The following SOX5 variants were observed in gnomAD, a reference collection of about 807,000 sequenced individuals.
SOX5 encodes SRY-box transcription factor 5.
In SOX5, 9 loss-of-function variants were observed where a neutral mutation model predicts 92.0. The ratio of observed to expected loss-of-function variants is 0.10; its 90% confidence interval spans 0.06 to 0.17. The LOEUF is 0.17. Ranked by LOEUF, SOX5 falls within the 10% of genes least tolerant of loss-of-function variation. SOX5 has a pLI of 1.00. For missense variants in SOX5, 642 were observed against 944.5 expected (o/e 0.68, Z 4.20); for synonymous variants, 344 against 336.3 (o/e 1.02, Z -0.25).
At chr12:23,866,051 T>C (rs1387536436) in intron 2 of SOX5, among the ~76,000 whole-genome samples, 1 of 152,200 alleles carries the variant, frequency 6.6e-6, no homozygotes, top group Non-Finnish European at 1.5e-5. Flanking sequence ...GCAAAGAAAG[T>C]GGTTTCTTGA....
chr12:23,933,006 C>G (rs1171803229), intron 1 of SOX5, among the ~76,000 whole-genome samples: 2 of 151,620 alleles, frequency 1.3e-5, no homozygotes, highest in East Asian at 1.9e-4. Flanking sequence ...CCTATAGTAG[C>G]CATCTCCACT....
chr12:23,636,671 C>T (rs956003751), intron 8 of SOX5, among the ~76,000 whole-genome samples: 2 of 151,960 alleles, frequency 1.3e-5, no homozygotes, highest in Non-Finnish European at 2.9e-5. Context: ...ATTCAGAGTC[C>T]GAAGTAGACA....
intron 3 of SOX5, among the ~76,000 whole-genome samples, chr12:24,221,776 T>C (rs2139804089): frequency 6.6e-6 from 1 of 152,328 alleles, no homozygotes; most frequent in Admixed American, 6.5e-5. Flanking sequence ...TAGACAAGAA[T>C]CTGAGAGCAG....
chr12:23,708,648 A>G (rs1410796720), intron 6 of SOX5, among the ~76,000 whole-genome samples: 3 of 152,222 alleles, frequency 2.0e-5, no homozygotes, highest in Non-Finnish European at 4.4e-5. Context: ...TGTTGCAGAG[A>G]TGAGTGATAA....
intron 3 of SOX5, among the ~76,000 whole-genome samples, chr12:24,225,485 T>A (rs1354593995): frequency 6.6e-6 from 1 of 152,122 alleles, no homozygotes; most frequent in East Asian, 1.9e-4. Flanking sequence ...AGAGGTTTTT[T>A]TTTTTTTTCC....
intron 3 of SOX5, among the ~76,000 whole-genome samples, chr12:23,823,810 T>C (rs2142831774): frequency 6.6e-6 from 1 of 152,342 alleles, no homozygotes; most frequent in East Asian, 1.9e-4. Context: ...GCTATGTTCA[T>C]TCCATTTCAT....
At chr12:24,235,759 G>T (rs1433126119) in intron 3 of SOX5, among the ~76,000 whole-genome samples, 1 of 152,102 alleles carries the variant, frequency 6.6e-6, no homozygotes. Context: ...ACTTTATCTA[G>T]TTTATGCTTT....
intron 4 of SOX5, among the ~76,000 whole-genome samples, chr12:23,995,766 T>A (rs1292570448): frequency 6.6e-6 from 1 of 152,154 alleles, no homozygotes; most frequent in Admixed American, 6.6e-5. Context: ...ACAAGGATAG[T>A]GATAATATTA....
At chr12:24,172,926 A>G (rs1954366436) in intron 4 of SOX5, among the ~76,000 whole-genome samples, 1 of 152,192 alleles carries the variant, frequency 6.6e-6, no homozygotes, top group Non-Finnish European at 1.5e-5. Context: ...TATTATTAAA[A>G]GCACCCTAGG....
At chr12:23,813,081 G>A (rs1373216575) in intron 3 of SOX5, among the ~76,000 whole-genome samples, 1 of 151,960 alleles carries the variant, frequency 6.6e-6, no homozygotes, top group African/African-American at 2.4e-5. Context: ...AAAAATCTTT[G>A]GCTTTTTTGC....
chr12:23,698,269 T>C (rs562587124), intron 6 of SOX5, among the ~76,000 whole-genome samples: 1 of 152,212 alleles, frequency 6.6e-6, no homozygotes, highest in African/African-American at 2.4e-5. Context: ...CTTAGATATA[T>C]GAATTTATAG....
chr12:24,350,976 C>T (rs1044860366), intron 2 of SOX5, among the ~76,000 whole-genome samples: 6 of 152,078 alleles, frequency 3.9e-5, no homozygotes, highest in Admixed American at 1.3e-4. Context: ...AGAATTGCCT[C>T]GAGCCCAGGA....
chr12:24,182,741 T>A (rs1181761596), intron 4 of SOX5, among the ~76,000 whole-genome samples: 1 of 152,170 alleles, frequency 6.6e-6, no homozygotes, highest in Non-Finnish European at 1.5e-5. Flanking sequence ...TGAGACAGAA[T>A]CTCGCTCTGT....
chr12:23,778,141 C>G (rs1425377495), intron 3 of SOX5, among the ~76,000 whole-genome samples: 1 of 152,172 alleles, frequency 6.6e-6, no homozygotes, highest in African/African-American at 2.4e-5. Flanking sequence ...AACTTTACAA[C>G]TGTAACCCAG....
intron 4 of SOX5, among the ~76,000 whole-genome samples, chr12:24,185,778 C>T (rs983269596): frequency 1.3e-5 from 2 of 152,088 alleles, no homozygotes; most frequent in African/African-American, 4.8e-5. Context: ...ATAGACATTC[C>T]ATAATAAATG....
intron 4 of SOX5, among the ~76,000 whole-genome samples, chr12:24,013,986 A>C (rs1052320053): frequency 1.3e-5 from 2 of 152,168 alleles, no homozygotes; most frequent in Admixed American, 1.3e-4. Context: ...CCCATTTGCA[A>C]ATAAGAAGAG....
At chr12:23,802,727 A>G (rs1282739982) in intron 3 of SOX5, among the ~76,000 whole-genome samples, 1 of 152,202 alleles carries the variant, frequency 6.6e-6, no homozygotes, top group Non-Finnish European at 1.5e-5. Context: ...AATACAATCC[A>G]TATAAACATC....
intron 1 of SOX5, among the ~76,000 whole-genome samples, chr12:24,445,278 C>T (rs1941299218): frequency 6.6e-6 from 1 of 152,144 alleles, no homozygotes; most frequent in South Asian, 2.1e-4. Context: ...AATGCACACT[C>T]CTTAACACGT....
At chr12:23,792,138 T>C (rs2095485024) in intron 3 of SOX5, among the ~76,000 whole-genome samples, 1 of 151,994 alleles carries the variant, frequency 6.6e-6, no homozygotes, top group African/African-American at 2.4e-5. Context: ...CACAACTATA[T>C]AGAAAAACTT....
Sources: gnomAD v4.1 joint callset for allele counts (sites outside exome capture counted in the v4.1 genomes callset) on GRCh38, gnomAD v4.1.1 for gene constraint, MANE v1.5 for transcripts, NCBI Gene and HGNC (gene_info 2026-07-23, HGNC 2026-07-21) for gene names.